The following BRWD3 variants were observed in gnomAD, a reference collection of about 807,000 sequenced individuals.
BRWD3 encodes bromodomain and WD repeat-containing protein 3.
A neutral mutation model predicts 149.7 loss-of-function variants in BRWD3; 10 were observed. That is an observed-to-expected ratio of 0.07 (90% CI 0.04 to 0.11). The LOEUF (loss-of-function observed/expected upper bound fraction) is 0.11. BRWD3 is among the 10% of genes least tolerant of loss of function. BRWD3 has a pLI of 1.00. For synonymous variants in BRWD3, 504 were observed against 456.7 expected, an observed-to-expected ratio of 1.10 and a Z score of -1.32; for missense variants, 940 against 1,373.2, an observed-to-expected ratio of 0.68 and a Z score of 4.99.
At chrX:80,678,608 G>C in intron 40 of BRWD3, among the ~76,000 whole-genome samples, 1 of 111,802 alleles carries the variant, frequency 8.9e-6, no homozygotes, top group East Asian at 2.8e-4. Flanking sequence ...AGCTCACTGA[G>C]TGAGTAAGTA....
intron 4 of BRWD3, among the ~76,000 whole-genome samples, chrX:80,800,876 T>A (rs1334829640): frequency 2.7e-5 from 3 of 111,173 alleles, no homozygotes; most frequent in Non-Finnish European, 3.8e-5. Context: ...TTTCTTTTTA[T>A]TAGTTTTAAG....
chrX:80,794,956 T>C (rs2147858576), intron 4 of BRWD3, among the ~76,000 whole-genome samples: 1 of 111,308 alleles, frequency 9.0e-6, no homozygotes, highest in Admixed American at 9.6e-5. Flanking sequence ...AGCAAAACTG[T>C]TTTTCCTATT....
intron 6 of BRWD3, among the ~76,000 whole-genome samples, chrX:80,790,099 C>T (rs1037153877): frequency 9.9e-6 from 1 of 100,891 alleles, no homozygotes; most frequent in African/African-American, 3.7e-5. Context: ...GCAGAAGAAT[C>T]GCTTGAACGA....
chrX:80,713,511 T>C (rs1440477845), intron 20 of BRWD3, among the ~76,000 whole-genome samples: 1 of 109,141 alleles, frequency 9.2e-6, no homozygotes, highest in Non-Finnish European at 1.9e-5. Flanking sequence ...TTAAGAGTCA[T>C]CACCACTCCC....
At position 80,750,771 on chromosome X, in the gene BRWD3, C is replaced by T. The variant is rs992275474; in HGVS notation, c.431-5042G>A. Among the ~76,000 whole-genome samples the T allele has an allele frequency of 5.4e-5, 6 of 110,196 alleles. No homozygotes were observed. In the Admixed American group the frequency reaches 5.8e-4, roughly 11 times the overall value. ...TCAATGTCAAAGAGATGTCTGCACT[C>T]TCATGTTCGTTGCAGCATTAGTCAC... On this transcript the variant is annotated intron_variant, in intron 6 of 40. Transcript: ENST00000373275.
At chrX:80,729,526 T>C (rs1013620871) in intron 13 of BRWD3, among the ~76,000 whole-genome samples, 11 of 111,642 alleles carry the variant, frequency 9.9e-5, no homozygotes, top group African/African-American at 3.6e-4. Context: ...AGGAAAAATA[T>C]TATAAAAGTG....
At position 80,685,494 on chromosome X, in the gene BRWD3, G is replaced by C; in HGVS notation, c.4048C>G (p.Pro1350Ala). Residue 1350 changes from proline to alanine, a missense_variant, in exon 36 of 41, where the codon CCA becomes GCA. By Grantham distance (27) the Pro-to-Ala change is conservative. Transcript: ENST00000373275. ...AGAGATGAATCTTGTTGTCTTTCTG[G>C]AACAACAGACTCTGAGGATTCTCCC... is the stretch of plus-strand genomic sequence containing the variant. ...QEGESSESVV[P>A]ERQQDSSLSE... The C allele has an allele frequency of 8.3e-7, 1 of 1,208,581 alleles. No individual in the cohort carries two copies. Among genetic ancestry groups the C allele is most frequent in the Non-Finnish European group, 1.1e-6 (1 of 893,426 alleles).
chrX:80,714,508 G>A (rs1003616709), intron 20 of BRWD3, among the ~76,000 whole-genome samples: 1 of 110,876 alleles, frequency 9.0e-6, no homozygotes, highest in African/African-American at 3.3e-5. Flanking sequence ...AAACTGACCT[G>A]GAAGCCCACC....
At chrX:80,732,100 A>G (rs1384066242) in intron 12 of BRWD3, among the ~76,000 whole-genome samples, 3 of 110,864 alleles carry the variant, frequency 2.7e-5, no homozygotes, top group South Asian at 3.8e-4. Flanking sequence ...AATTACTTTC[A>G]GGCTACGTGT....
chrX:80,711,184 T>C (rs766590431), intron 20 of BRWD3, among the ~76,000 whole-genome samples: 1 of 111,924 alleles, frequency 8.9e-6, no homozygotes, highest in East Asian at 2.8e-4. Context: ...CTAAGATATA[T>C]AAGTGGATTT....
At chrX:80,750,857 T>TACAC (rs59394410) in intron 6 of BRWD3, among the ~76,000 whole-genome samples, 9,715 of 93,818 alleles carry the variant, frequency 0.1, 475 homozygotes, top group South Asian at 0.31. Flanking sequence ...ATGTGTTTTA[T>TACAC]ACACACACAC....
intron 4 of BRWD3, among the ~76,000 whole-genome samples, chrX:80,801,653 C>A (rs2074299083): frequency 9.2e-6 from 1 of 108,835 alleles, no homozygotes; most frequent in Non-Finnish European, 1.9e-5. Context: ...CCAGCCTGAC[C>A]AACATGGTGA....
At chrX:80,809,207 C>T (rs2074383720) in intron 2 of BRWD3, 39 bp downstream of exon 2, 14 of 1,176,544 alleles carry the variant, frequency 1.2e-5, no homozygotes, top group Non-Finnish European at 1.6e-5. Context: ...CCCACTGGGA[C>T]CATTCACCAC....
intron 6 of BRWD3, among the ~76,000 whole-genome samples, chrX:80,765,571 G>A (rs2073848909): frequency 8.9e-6 from 1 of 111,937 alleles, no homozygotes; most frequent in Non-Finnish European, 1.9e-5. Context: ...ATAGAACTGA[G>A]TACTGTAAGT....
chrX:80,741,874 G>C (rs754096739), intron 8 of BRWD3, among the ~76,000 whole-genome samples: 2 of 111,936 alleles, frequency 1.8e-5, no homozygotes, highest in African/African-American at 3.2e-5. Flanking sequence ...TGTTCACTCT[G>C]ATGGTGGTTT....
At chrX:80,789,454 C>T (rs1001362062) in intron 6 of BRWD3, among the ~76,000 whole-genome samples, 2 of 111,910 alleles carry the variant, frequency 1.8e-5, no homozygotes, top group South Asian at 7.6e-4. Context: ...CGGTTCACTG[C>T]AAGCTCCGCC....
intron 6 of BRWD3, among the ~76,000 whole-genome samples, chrX:80,761,860 C>T (rs762227363): frequency 4.0e-4 from 45 of 111,139 alleles, no homozygotes; most frequent in African/African-American, 1.5e-3. Context: ...TAGCAGAATC[C>T]AAATTTAAAG....
chrX:80,731,601 A>G (rs2073330231), intron 12 of BRWD3, among the ~76,000 whole-genome samples: 1 of 111,299 alleles, frequency 9.0e-6, no homozygotes, highest in African/African-American at 3.3e-5. Flanking sequence ...ATCATCCTAT[A>G]AAGTCCTTAT....
intron 6 of BRWD3, among the ~76,000 whole-genome samples, chrX:80,791,568 C>A (rs1241727338): frequency 2.7e-5 from 3 of 111,549 alleles, no homozygotes; most frequent in African/African-American, 9.8e-5. Context: ...TGTAAATAGA[C>A]AACCATATGG....
Sources: gnomAD v4.1 joint callset for allele counts (sites outside exome capture counted in the v4.1 genomes callset) on GRCh38, gnomAD v4.1.1 for gene constraint, MANE v1.5 for transcripts, NCBI Gene and HGNC (gene_info 2026-07-23, HGNC 2026-07-21) for gene names.